USH2A: variants seen among roughly 807,000 people sequenced by gnomAD.
USH2A encodes Usher syndrome 2A (autosomal recessive, mild).
A neutral mutation model predicts 538.9 loss-of-function variants in USH2A; 443 were observed. The observed-to-expected ratio is 0.82, with a 90% confidence interval of 0.76 to 0.89. USH2A has a LOEUF of 0.89. Among genes scored for constraint, USH2A ranks in the 40% least tolerant of loss-of-function variants. USH2A has a pLI of 0.00. For synonymous variants in USH2A, 2,413 were observed against 2,273.5 expected (o/e 1.06, Z -1.75); for missense variants, 6,633 against 6,324.8 (o/e 1.05, Z -1.65).
intron 4 of USH2A, among the ~76,000 whole-genome samples, chr1:216,358,398 G>A (rs1254090233): frequency 1.3e-5 from 2 of 152,082 alleles, no homozygotes; most frequent in South Asian, 4.1e-4. Flanking sequence ...CTCAGTAATC[G>A]CTTGCACAAT....
intron 13 of USH2A, among the ~76,000 whole-genome samples, chr1:216,235,254 C>T (rs1299402183): frequency 2.0e-5 from 3 of 152,096 alleles, no homozygotes; most frequent in Admixed American, 6.6e-5. Context: ...TCTGATACCC[C>T]TTTGTTAGCT....
intron 20 of USH2A, among the ~76,000 whole-genome samples, chr1:216,181,174 C>T (rs1022635262): frequency 9.2e-5 from 14 of 152,120 alleles, no homozygotes; most frequent in Admixed American, 2.6e-4. Context: ...TAGATTGGCT[C>T]TTTAAGACCC....
intron 30 of USH2A, among the ~76,000 whole-genome samples, chr1:216,066,139 T>C (rs1038982269): frequency 5.9e-5 from 9 of 152,038 alleles, no homozygotes; most frequent in Admixed American, 4.6e-4. Flanking sequence ...TGCTTGCTGG[T>C]GGAAGCATAA....
intron 49 of USH2A, among the ~76,000 whole-genome samples, chr1:215,804,317 C>CA (rs989414922): frequency 3.3e-5 from 5 of 151,630 alleles, no homozygotes; most frequent in African/African-American, 7.3e-5. Context: ...TTCTGCACAG[C>CA]AAAAAAAACT....
intron 32 of USH2A, among the ~76,000 whole-genome samples, chr1:216,043,266 T>C (rs1313146992): frequency 2.6e-5 from 4 of 152,100 alleles, no homozygotes; most frequent in African/African-American, 9.7e-5. Flanking sequence ...AGCTATAAAG[T>C]TAGAATAATC....
chr1:216,314,726 A>C (rs1486287570), intron 9 of USH2A, among the ~76,000 whole-genome samples: 1 of 152,214 alleles, frequency 6.6e-6, no homozygotes, highest in Non-Finnish European at 1.5e-5. Flanking sequence ...TTATAATGCT[A>C]ACAAAAATTT....
intron 11 of USH2A, among the ~76,000 whole-genome samples, chr1:216,285,744 G>C (rs188665166): frequency 2.0e-5 from 3 of 152,224 alleles, no homozygotes; most frequent in African/African-American, 7.2e-5. Flanking sequence ...GGGCCGAGCT[G>C]CCCAAGGCTG....
Position 215,877,877 on chromosome 1 carries a change from A to G in USH2A, c.8562T>C (p.Tyr2854=), listed in dbSNP as rs1456284768. 3.1e-6 allele frequency: 5 copies of G among 1,613,594 alleles called. No homozygotes were observed. The highest frequency in any genetic ancestry group is 1.6e-4 in the Middle Eastern group (1 of 6,084). Residue 2854 remains tyrosine (Y), a synonymous_variant, in exon 43 of 72, where the codon TAT becomes TAC. Transcript: ENST00000307340. ...PSKPNGPNLR[Y]ELLRRKIQQP... ...GCTGGATTTTACGTCTCAGAAGCTC[A>G]TATCTAAAGCAAAAGACAAGCAGGA...
intron 4 of USH2A, among the ~76,000 whole-genome samples, chr1:216,357,342 T>C (rs1425992310): frequency 6.6e-6 from 1 of 152,162 alleles, no homozygotes; most frequent in Non-Finnish European, 1.5e-5. Flanking sequence ...TCTAAGCTTT[T>C]TTTAAATCTA....
In USH2A at chr1:215,888,407, A is replaced by G. The variant is rs1571783065; in HGVS notation, c.8223+19T>C. 1.9e-6 allele frequency: 3 copies of G among 1,612,152 alleles called. No homozygotes were observed. The highest frequency in any genetic ancestry group is 2.5e-6 in the Non-Finnish European group (3 of 1,180,002). ...ACATTCCTAAGTCTGCAAAGGAGAG[A>G]GAATAGTCAGTATCTTACCTGGACT... On this transcript the variant is annotated intron_variant, in intron 41 of 71. Transcript: ENST00000307340.
chr1:216,190,550 T>C (rs1411915193), intron 19 of USH2A, among the ~76,000 whole-genome samples, 183 bp from the exon 20 acceptor site: 1 of 151,752 alleles, frequency 6.6e-6, no homozygotes, highest in Non-Finnish European at 1.5e-5. Context: ...TAATTGATTA[T>C]TGTACAATCA....
intron 4 of USH2A, among the ~76,000 whole-genome samples, chr1:216,344,307 C>A (rs896050623): frequency 6.6e-6 from 1 of 152,034 alleles, no homozygotes; most frequent in Non-Finnish European, 1.5e-5. Context: ...TAAGATTATC[C>A]AAACTGCAAA....
intron 11 of USH2A, among the ~76,000 whole-genome samples, chr1:216,286,544 C>T (rs1219380883): frequency 6.6e-6 from 1 of 151,878 alleles, no homozygotes; most frequent in South Asian, 2.1e-4. Context: ...GAAACTCTGT[C>T]TCTACTAAAA....
intron 36 of USH2A, among the ~76,000 whole-genome samples, 177 bp from the exon 37 acceptor site, chr1:215,965,656 C>T (rs543807485): frequency 3.3e-5 from 5 of 152,066 alleles, no homozygotes; most frequent in Admixed American, 3.3e-4. Flanking sequence ...GTTTTCTTCC[C>T]CCTGCTGTTA....
intron 35 of USH2A, among the ~76,000 whole-genome samples, chr1:215,975,365 T>C (rs1667597236): frequency 6.6e-6 from 1 of 152,144 alleles, no homozygotes; most frequent in African/African-American, 2.4e-5. Context: ...TTGCAATTGC[T>C]TTTGAGGACT....
chr1:216,043,103 TA>T (rs1305249308), intron 32 of USH2A, among the ~76,000 whole-genome samples: 1 of 152,088 alleles, frequency 6.6e-6, no homozygotes, highest in Non-Finnish European at 1.5e-5. Flanking sequence ...GTCTTTCTTT[TA>T]GAGTTCTGGC....
intron 12 of USH2A, among the ~76,000 whole-genome samples, chr1:216,249,937 A>G (rs1416904045): frequency 6.6e-6 from 1 of 152,024 alleles, no homozygotes; most frequent in African/African-American, 2.4e-5. Flanking sequence ...TTACTATTGT[A>G]AGGTTCAGGT....
intron 18 of USH2A, among the ~76,000 whole-genome samples, chr1:216,197,369 G>A (rs979835903): frequency 2.0e-5 from 3 of 152,178 alleles, no homozygotes; most frequent in East Asian, 3.9e-4. Context: ...ATTAGCTAGT[G>A]ACCCATAAGA....
Position 216,001,126 on chromosome 1 carries a change from G to A in USH2A, c.6326-564C>T, listed in dbSNP as rs116387037. Among the ~76,000 whole-genome samples, 279 of 152,246 alleles carry A rather than the reference G, an allele frequency of 1.8e-3. 1 individual carries two copies. The highest frequency in any genetic ancestry group is 6.5e-3 in the African/African-American group (269 of 41,566). On this transcript the variant is annotated intron_variant, in intron 32 of 71. Coordinates refer to ENST00000307340, the MANE Select transcript of USH2A (RefSeq NM_206933.4). ...TGCTGTCACCCCAGCACAAGATGGAGCTATTAGCCTCTTCTCTTTCTCTTT... is the reference window on the plus strand; with the variant it reads ...TGCTGTCACCCCAGCACAAGATGGAACTATTAGCCTCTTCTCTTTCTCTTT...
Sources: allele counts gnomAD v4.1 joint callset (sites outside exome capture counted in the v4.1 genomes callset), GRCh38; gene constraint gnomAD v4.1.1; transcripts MANE v1.5; gene names NCBI Gene and HGNC (gene_info 2026-07-23, HGNC 2026-07-21).